NRG1: variants seen among roughly 807,000 people sequenced by gnomAD.
NRG1 encodes the protein neuregulin 1, also known as pro-neuregulin-1, membrane-bound isoform.
In NRG1, 18 loss-of-function variants were observed where a neutral mutation model predicts 63.8. That is an observed-to-expected ratio of 0.28 (90% CI 0.19 to 0.42). The LOEUF (loss-of-function observed/expected upper bound fraction) is 0.42, where lower values mean the gene tolerates loss of function less well. Ranked by LOEUF, NRG1 falls within the 10% of genes least tolerant of loss-of-function variation. The pLI, the probability that NRG1 is intolerant of heterozygous loss-of-function variation, is 1.00. For synonymous variants in NRG1, 302 were observed against 301.3 expected (o/e 1.00, Z -0.02); for missense variants, 762 against 814.7 (o/e 0.94, Z 0.79).
At chr8:31,925,027 T>C in intron 1 of NRG1, among the ~76,000 whole-genome samples, 1 of 151,354 alleles carries the variant, frequency 6.6e-6, no homozygotes, top group Non-Finnish European at 1.5e-5. Context: ...TGGTCCAATT[T>C]TGTTAAACAT....
intron 1 of NRG1, among the ~76,000 whole-genome samples, chr8:31,896,706 T>A (rs542967408): frequency 6.6e-6 from 1 of 152,358 alleles, no homozygotes; most frequent in South Asian, 2.1e-4. Flanking sequence ...GCTGCTGGTC[T>A]GGCATCACAC....
At chr8:32,673,937 T>C (rs1806374469) in intron 5 of NRG1, among the ~76,000 whole-genome samples, 1 of 152,170 alleles carries the variant, frequency 6.6e-6, no homozygotes, top group African/African-American at 2.4e-5. Context: ...AACATGACTT[T>C]TATCAGGCTA....
At chr8:32,025,851 C>T (rs934735181) in intron 1 of NRG1, among the ~76,000 whole-genome samples, 4 of 148,466 alleles carry the variant, frequency 2.7e-5, no homozygotes, top group African/African-American at 7.4e-5. Flanking sequence ...GGGGCTGAGG[C>T]AGGAGAATGG....
chr8:32,549,906 G>A (rs2129523808), intron 1 of NRG1, among the ~76,000 whole-genome samples: 1 of 152,274 alleles, frequency 6.6e-6, no homozygotes, highest in South Asian at 2.1e-4. Flanking sequence ...GCCTTAAGTC[G>A]CTTCGAGCGT....
At chr8:32,760,456 T>C in intron 11 of NRG1, 50 bp downstream of exon 11, 1 of 1,608,704 alleles carries the variant, frequency 6.2e-7, no homozygotes, top group South Asian at 1.1e-5. Context: ...AGTCAGAGAA[T>C]CCCTGTGAGC....
At chr8:31,962,219 A>T (rs1048832409) in intron 1 of NRG1, among the ~76,000 whole-genome samples, 3 of 152,192 alleles carry the variant, frequency 2.0e-5, no homozygotes, top group Non-Finnish European at 4.4e-5. Context: ...ACAGGGTCAA[A>T]ATTGTCTACA....
intron 1 of NRG1, among the ~76,000 whole-genome samples, chr8:32,469,752 G>A (rs1823534666): frequency 6.6e-6 from 1 of 152,116 alleles, no homozygotes; most frequent in Admixed American, 6.5e-5. Flanking sequence ...GAAAGTCAGA[G>A]GAAGCCCGAG....
intron 1 of NRG1, among the ~76,000 whole-genome samples, chr8:31,694,286 A>T (rs1809828732): frequency 6.6e-6 from 1 of 152,194 alleles, no homozygotes; most frequent in African/African-American, 2.4e-5. Context: ...GTGGTATTCG[A>T]CACGGGTTCA....
intron 1 of NRG1, among the ~76,000 whole-genome samples, chr8:32,067,343 A>T (rs2130980502): frequency 6.6e-6 from 1 of 152,258 alleles, no homozygotes; most frequent in South Asian, 2.1e-4. Context: ...GACAGCGCTT[A>T]TTATTTTGAG....
chr8:31,988,023 G>A (rs138346099), intron 1 of NRG1, among the ~76,000 whole-genome samples: 18 of 152,162 alleles, frequency 1.2e-4, no homozygotes, highest in East Asian at 3.9e-4. Context: ...GTGCTTGTTC[G>A]TTTATACCAC....
intron 1 of NRG1, among the ~76,000 whole-genome samples, chr8:32,288,203 T>C (rs1026277825): frequency 6.6e-6 from 1 of 152,180 alleles, no homozygotes; most frequent in African/African-American, 2.4e-5. Context: ...CAAACTGCCA[T>C]TTAGAGAAAA....
chr8:32,312,814 C>G (rs997834599), intron 1 of NRG1, among the ~76,000 whole-genome samples: 1 of 151,010 alleles, frequency 6.6e-6, no homozygotes, highest in Non-Finnish European at 1.5e-5. Flanking sequence ...TCCTTCCATC[C>G]TTCCTGTTTG....
intron 1 of NRG1, among the ~76,000 whole-genome samples, chr8:32,438,032 A>C (rs1487560766): frequency 6.6e-6 from 1 of 152,154 alleles, no homozygotes; most frequent in African/African-American, 2.4e-5. Context: ...TAATGCAAAC[A>C]ATACTTTTTA....
chr8:32,634,704 G>A (rs1850996903), intron 5 of NRG1, among the ~76,000 whole-genome samples: 1 of 152,028 alleles, frequency 6.6e-6, no homozygotes, highest in Admixed American at 6.5e-5. Context: ...TCTTGTGTAA[G>A]TCCAAATAAA....
rs113802302 is a variant in NRG1 at position 31,796,350 on chromosome 8, C to A, written c.37+156919C>A. On this transcript the variant is annotated intron_variant, in intron 1 of 10. Coordinates refer to the NRG1 transcript ENST00000519301. ...TCTTCTCTAACCCCATCTTAAAAAA[C>A]AAAGCGGCGGGGAGTTTTTCTTTTG... 1.2e-4 allele frequency among the ~76,000 whole-genome samples: 17 copies of A among 136,534 alleles called. 1 individual carries two copies. The highest frequency in any genetic ancestry group is 4.6e-4 in the African/African-American group (17 of 36,846). The allele number at this position is 136,534 out of a possible 152,430, so 89.6% of individuals were successfully genotyped here. A position where few individuals can be genotyped will look rare whatever the true frequency, so the allele number is the denominator to read the frequency against.
intron 1 of NRG1, among the ~76,000 whole-genome samples, chr8:32,448,234 A>G (rs1218699026): frequency 6.6e-6 from 1 of 152,230 alleles, no homozygotes; most frequent in Non-Finnish European, 1.5e-5. Flanking sequence ...TGATGTAGAT[A>G]TACCCACATG....
intron 1 of NRG1, among the ~76,000 whole-genome samples, chr8:31,760,208 T>C (rs1421554468): frequency 6.6e-6 from 1 of 152,152 alleles, no homozygotes; most frequent in Admixed American, 6.5e-5. Flanking sequence ...CTTTAATCCA[T>C]CTTGAATTAA....
intron 1 of NRG1, among the ~76,000 whole-genome samples, chr8:31,972,936 G>T (rs1807545284): frequency 6.6e-6 from 1 of 152,178 alleles, no homozygotes; most frequent in Non-Finnish European, 1.5e-5. Context: ...CTTTATATGT[G>T]TACATACATA....
chr8:32,244,105 T>C (rs545129774), intron 1 of NRG1, among the ~76,000 whole-genome samples: 1 of 152,194 alleles, frequency 6.6e-6, no homozygotes, highest in African/African-American at 2.4e-5. Context: ...TGCTCAGCAA[T>C]CAAATTTATT....
Sources: gnomAD v4.1 joint callset for allele counts (sites outside exome capture counted in the v4.1 genomes callset) on GRCh38, gnomAD v4.1.1 for gene constraint, MANE v1.5 for transcripts, NCBI Gene and HGNC (gene_info 2026-07-23, HGNC 2026-07-21) for gene names.